GRIK3: variants seen among roughly 807,000 people sequenced by gnomAD.
GRIK3 encodes the protein glutamate ionotropic receptor kainate type subunit 3.
GRIK3 carries 29 observed loss-of-function variants against 102.5 expected under a neutral mutation model. The ratio of observed to expected loss-of-function variants is 0.28; its 90% confidence interval spans 0.21 to 0.39. GRIK3 has a LOEUF of 0.39. Among genes scored for constraint, GRIK3 ranks in the 10% least tolerant of loss-of-function variants. The pLI, the probability that GRIK3 is intolerant of heterozygous loss-of-function variation, is 1.00. For missense variants in GRIK3, 908 were observed against 1,252.4 expected, an observed-to-expected ratio of 0.73 and a Z score of 4.15; for synonymous variants, 511 against 504.9, an observed-to-expected ratio of 1.01 and a Z score of -0.16.
At chr1:36,874,628 C>G (rs1333216038) in intron 3 of GRIK3, among the ~76,000 whole-genome samples, 2 of 152,204 alleles carry the variant, frequency 1.3e-5, no homozygotes, top group African/African-American at 4.8e-5. Context: ...TTGAATGATG[C>G]TTCCCTTTCA....
At chr1:36,957,354 G>GTGT (rs1454127870) in intron 1 of GRIK3, among the ~76,000 whole-genome samples, 1 of 147,048 alleles carries the variant, frequency 6.8e-6, no homozygotes. Flanking sequence ...GTGAGCCTAT[G>GTGT]CCCCCTGAGT....
intron 1 of GRIK3, among the ~76,000 whole-genome samples, chr1:36,958,443 A>C (rs1383156707): frequency 9.3e-6 from 1 of 107,980 alleles, no homozygotes; most frequent in Non-Finnish European, 1.9e-5. Flanking sequence ...CTGTGCCCCG[A>C]GTCTGTGTGC....
At chr1:36,838,654 C>T (rs1416487490) in intron 10 of GRIK3, among the ~76,000 whole-genome samples, 1 of 152,146 alleles carries the variant, frequency 6.6e-6, no homozygotes, top group Non-Finnish European at 1.5e-5. Flanking sequence ...TGGTCAGAGG[C>T]TCCACCCAGG....
In GRIK3 at chr1:36,806,426, G is replaced by C. The variant is rs1035206539; in HGVS notation, c.2092-100C>G. On this transcript the variant is annotated intron_variant, in intron 13 of 15. Transcript: ENST00000373091. This position sits in a 1 kb window ranked among gnomAD's most constrained non-coding sequence, Gnocchi z 4.0. ...CAACGTGGGTTGGGGCCTTGAACTC[G>C]GTCTACAATCTTCAGAGAAAGGAAG... 11 of 678,244 alleles carry C rather than the reference G, an allele frequency of 1.6e-5. No homozygotes were observed. In the African/African-American group the frequency reaches 2.0e-4, roughly 12 times the overall value. The allele number at this position is 678,244 out of a possible 1,614,324, so 42.0% of individuals were successfully genotyped here.
At chr1:36,970,026 T>G (rs1368885102) in intron 1 of GRIK3, among the ~76,000 whole-genome samples, 1 of 152,156 alleles carries the variant, frequency 6.6e-6, no homozygotes, top group Non-Finnish European at 1.5e-5. Flanking sequence ...ACAGGTAGGG[T>G]AAGGATGCTT....
At chr1:36,853,814 G>T in intron 7 of GRIK3, 92 bp from the exon 8 acceptor site, 1 of 748,962 alleles carries the variant, frequency 1.3e-6, no homozygotes, top group Admixed American at 1.9e-5. Context: ...ATTACTCCTT[G>T]CACTGATACT....
At position 36,820,589 on chromosome 1, in the gene GRIK3, C is replaced by T. The variant is rs143814503; in HGVS notation, c.1755-735G>A. Among the ~76,000 whole-genome samples the T allele has an allele frequency of 3.6e-3, 554 of 152,194 alleles. 15 individuals are homozygous for T. The East Asian group carries it at 0.071, about 20-fold the overall frequency. On this transcript the variant is annotated intron_variant, in intron 11 of 15. Transcript: ENST00000373091. Reference sequence around the variant, plus strand: ...TTTCAGGAGCCTATTGCTCTATCTGCATTACATAAATTTTTAAAAGTGAGA... The same window carrying T: ...TTTCAGGAGCCTATTGCTCTATCTGTATTACATAAATTTTTAAAAGTGAGA...
intron 9 of GRIK3, among the ~76,000 whole-genome samples, chr1:36,849,347 G>T (rs1329830530): frequency 6.6e-6 from 1 of 152,174 alleles, no homozygotes; most frequent in African/African-American, 2.4e-5. Flanking sequence ...TCTGTCCTGG[G>T]TTCTGCTCCA....
intron 4 of GRIK3, among the ~76,000 whole-genome samples, chr1:36,870,503 G>A (rs1158380617): frequency 6.6e-6 from 1 of 152,178 alleles, no homozygotes; most frequent in African/African-American, 2.4e-5. Flanking sequence ...GAGGGCTCTG[G>A]GGAAAATGTC....
intron 1 of GRIK3, among the ~76,000 whole-genome samples, chr1:36,983,231 C>T (rs894835090): frequency 2.0e-5 from 3 of 152,106 alleles, no homozygotes; most frequent in African/African-American, 7.2e-5. Context: ...ACAAACACAC[C>T]CTTCCCACAA....
intron 1 of GRIK3, among the ~76,000 whole-genome samples, chr1:37,013,407 C>T (rs968377903): frequency 5.3e-5 from 8 of 152,220 alleles, no homozygotes; most frequent in African/African-American, 1.9e-4. Context: ...CATCTGGGTG[C>T]TTGGATGAGT....
At chr1:36,860,079 C>A in intron 5 of GRIK3, 62 bp from the exon 6 acceptor site, 1 of 1,306,866 alleles carries the variant, frequency 7.7e-7, no homozygotes, top group Non-Finnish European at 1.1e-6. Flanking sequence ...CCAGCCCCGC[C>A]TCCTACCCAC....
At chr1:36,993,657 G>T (rs1404675148) in intron 1 of GRIK3, among the ~76,000 whole-genome samples, 1 of 152,210 alleles carries the variant, frequency 6.6e-6, no homozygotes, top group African/African-American at 2.4e-5. Context: ...CAGAGAGGGG[G>T]TGTGGTGGGC....
At chr1:36,885,236 G>A (rs1641025520) in intron 2 of GRIK3, among the ~76,000 whole-genome samples, 1 of 152,154 alleles carries the variant, frequency 6.6e-6, no homozygotes, top group African/African-American at 2.4e-5. Flanking sequence ...ATAATGACAG[G>A]GGATGACGGG....
intron 5 of GRIK3, among the ~76,000 whole-genome samples, chr1:36,862,194 C>T (rs1468200374): frequency 6.6e-6 from 1 of 152,132 alleles, no homozygotes; most frequent in Non-Finnish European, 1.5e-5. Context: ...CATTTCTTCC[C>T]AACTCTGCCT....
rs542953888 is a variant in GRIK3 at position 36,854,277 on chromosome 1, A to C, written c.1105-555T>G. ...CGTGCGACCTTGGGTATTTCATTTT[A>C]CCCGTCTGCCCCAGTTTCCTCATCT... On this transcript the variant is annotated intron_variant, in intron 7 of 15. Coordinates refer to ENST00000373091, the MANE Select transcript of GRIK3 (RefSeq NM_000831.4). Among the ~76,000 whole-genome samples, 15 of 152,146 alleles carry C rather than the reference A, an allele frequency of 9.9e-5. No individual in the cohort carries two copies. The South Asian group carries it at 2.9e-3, about 29-fold the overall frequency.
intron 8 of GRIK3, among the ~76,000 whole-genome samples, chr1:36,851,975 A>G (rs1640591203): frequency 6.6e-6 from 1 of 152,130 alleles, no homozygotes; most frequent in South Asian, 2.1e-4. Flanking sequence ...GAGAGAGCAA[A>G]AGTGGGACAG....
At chr1:36,995,904 C>A (rs1358002519) in intron 1 of GRIK3, among the ~76,000 whole-genome samples, 1 of 152,208 alleles carries the variant, frequency 6.6e-6, no homozygotes, top group Non-Finnish European at 1.5e-5. Context: ...GCCTTCTTGG[C>A]CAGAATTAGA....
At chr1:36,855,903 G>A (rs1381206767) in intron 7 of GRIK3, among the ~76,000 whole-genome samples, 1 of 152,250 alleles carries the variant, frequency 6.6e-6, no homozygotes, top group African/African-American at 2.4e-5. Flanking sequence ...TTTTGCAGAT[G>A]TGGACACTGA....
Sources: allele counts gnomAD v4.1 joint callset (sites outside exome capture counted in the v4.1 genomes callset), GRCh38; gene constraint gnomAD v4.1.1; non-coding constraint Gnocchi (gnomAD v3.1); transcripts MANE v1.5; gene names NCBI Gene and HGNC (gene_info 2026-07-23, HGNC 2026-07-21).